The following DCLRE1C variants were observed in gnomAD, a reference collection of about 807,000 sequenced individuals.
The protein encoded by DCLRE1C is protein artemis.
Under a neutral mutation model 61.4 loss-of-function variants are expected in DCLRE1C, and 47 were observed. The ratio of observed to expected loss-of-function variants is 0.77; its 90% CI spans 0.61 to 0.98. The LOEUF is 0.98. Ranked by LOEUF, DCLRE1C falls within the 50% of genes least tolerant of loss-of-function variation. DCLRE1C has a pLI of 0.00. For missense variants in DCLRE1C, 858 were observed against 816.0 expected (o/e 1.05, Z -0.63); for synonymous variants, 337 against 287.6 (o/e 1.17, Z -1.74).
chr10:14,946,796 T>G (rs12257040), intron 2 of DCLRE1C, among the ~76,000 whole-genome samples: 4,270 of 152,152 alleles, frequency 0.028, 222 homozygotes, highest in African/African-American at 0.096. Context: ...TTTCCTATTT[T>G]CTGCAGAGAT....
chr10:14,943,656 G>A (rs1411909947), intron 3 of DCLRE1C, among the ~76,000 whole-genome samples: 3 of 152,096 alleles, frequency 2.0e-5, no homozygotes, highest in Non-Finnish European at 4.4e-5. Context: ...AGGTTCAAGC[G>A]ATTCTCCTGC....
intron 2 of DCLRE1C, among the ~76,000 whole-genome samples, chr10:14,946,530 G>C (rs1841717894): frequency 1.3e-5 from 2 of 152,020 alleles, no homozygotes. Flanking sequence ...GAATGCGGTG[G>C]AAGTAATTGC....
At position 14,908,716 on chromosome 10, in the gene DCLRE1C, T is replaced by C. The variant is rs751968783; in HGVS notation, c.1771A>G (p.Met591Val). 15 of 1,614,248 alleles carry C rather than the reference T, an allele frequency of 9.3e-6. No individual in the cohort carries two copies. The highest frequency in any genetic ancestry group is 1.2e-5 in the Non-Finnish European group (14 of 1,180,046). Residue 591 changes from methionine to valine, a missense_variant, in exon 14 of 14, where the codon ATG (methionine) becomes GTG (valine). Met to Val is a conservative substitution (Grantham distance 21). This residue lies in a region of DCLRE1C where 843 missense variants were observed against 783.5 expected (regional missense o/e 1.08). Coordinates refer to ENST00000378278, the MANE Select transcript of DCLRE1C (RefSeq NM_001033855.3). ...TTTGGGCAAATTACATTTTGTTCCATGAGAGAGGCAGGAATATTCTCTTTG... is the reference window on the plus strand; with the variant it reads ...TTTGGGCAAATTACATTTTGTTCCACGAGAGAGGCAGGAATATTCTCTTTG... ...TIKENIPASL[M>V]EQNVICPKDT...
chr10:14,899,616 C>T, downstream of DCLRE1C: 1 of 1,614,140 alleles, frequency 6.2e-7, no homozygotes. Context: ...TTGATCTGGA[C>T]TATGAGTCTG....
At chr10:14,926,786 T>C in intron 11 of DCLRE1C, 57 bp downstream of exon 11, 1 of 1,402,200 alleles carries the variant, frequency 7.1e-7, no homozygotes, top group Non-Finnish European at 1.0e-6. Flanking sequence ...ACCTGTCAAC[T>C]ACCAAGGCTG....
chr10:14,943,395 G>C (rs1040653890), intron 3 of DCLRE1C, among the ~76,000 whole-genome samples: 11 of 152,064 alleles, frequency 7.2e-5, no homozygotes, highest in African/African-American at 2.4e-4. Flanking sequence ...TTGCCTTCTA[G>C]TCTACTTTCT....
intron 11 of DCLRE1C, among the ~76,000 whole-genome samples, chr10:14,924,894 A>G (rs1837707384): frequency 1.3e-5 from 2 of 151,932 alleles, no homozygotes; most frequent in African/African-American, 4.8e-5. Context: ...AAAATCATCC[A>G]TTACTAAGTT....
intron 9 of DCLRE1C, among the ~76,000 whole-genome samples, chr10:14,929,785 C>A (rs1838668241): frequency 1.3e-5 from 2 of 152,154 alleles, no homozygotes; most frequent in South Asian, 2.1e-4. Context: ...ACCTTCCAAA[C>A]CATTAACGTT....
chr10:14,917,745 A>G (rs1836441739), intron 13 of DCLRE1C, among the ~76,000 whole-genome samples: 2 of 152,126 alleles, frequency 1.3e-5, no homozygotes, highest in African/African-American at 4.8e-5. Context: ...TGAGCTTGGG[A>G]GGTTGAGGTT....
chr10:14,937,070 C>G (rs543134179), intron 4 of DCLRE1C, among the ~76,000 whole-genome samples: 1 of 152,084 alleles, frequency 6.6e-6, no homozygotes, highest in Non-Finnish European at 1.5e-5. Flanking sequence ...TTGTATGATT[C>G]CACTCATATG....
chr10:14,936,329 T>C (rs998816639), intron 5 of DCLRE1C, among the ~76,000 whole-genome samples: 4 of 148,712 alleles, frequency 2.7e-5, no homozygotes, highest in East Asian at 2.0e-4. Flanking sequence ...TTTCTTTCTT[T>C]TTTTTTTTTT....
rs568200300 is a variant in DCLRE1C, at chr10:14,911,786, G to A, written c.1157-2456C>T. 2.0e-5 allele frequency among the ~76,000 whole-genome samples: 3 copies of A among 152,262 alleles called. No individual in the cohort carries two copies. The South Asian group carries it at 6.2e-4, about 32-fold the overall frequency. On this transcript the variant is annotated intron_variant, in intron 13 of 13. Transcript: ENST00000378278. ...TAATCCAGTTGAAATGGGGGCAAAA[G>A]ATCAGAATAGACATTTCACTGAAGA...
At chr10:14,929,412 A>AT (rs1383263544) in intron 9 of DCLRE1C, among the ~76,000 whole-genome samples, 32 of 143,534 alleles carry the variant, frequency 2.2e-4, no homozygotes, top group East Asian at 1.2e-3. Context: ...TCAAAAAACC[A>AT]TTTTTTTTTA....
rs1289549259 is a variant in DCLRE1C, at chr10:14,907,746, A to T, written c.*662T>A. ...AATTGACTTTCTTTATAGACAGCAG[A>T]TCACTGGGTTATGTTGGTTTTTTCC... On this transcript the variant is annotated 3_prime_UTR_variant, in exon 14 of 14. Coordinates refer to ENST00000378278, the MANE Select transcript of DCLRE1C (RefSeq NM_001033855.3). The T allele has an allele frequency of 6.6e-6, 1 of 151,580 alleles. No individual in the cohort carries two copies. Among genetic ancestry groups the T allele is most frequent in the Non-Finnish European group, 1.5e-5 (1 of 68,030 alleles). 9.4% of individuals were successfully genotyped at this position (151,580 alleles called of 1,614,324 possible).
At position 14,935,446 on chromosome 10, in the gene DCLRE1C, T is replaced by C. The variant is rs1265331191; in HGVS notation, c.464+17A>G. 1.9e-6 allele frequency: 3 copies of C among 1,610,574 alleles called. No homozygotes were observed. In the African/African-American group the frequency reaches 4.0e-5, roughly 22 times the overall value. Reference sequence around the variant, plus strand: ...AAATAAAATAAAATAAAATAAAACCTATACGAGGCCCAGTACCTGCCCCCG... The same window carrying C: ...AAATAAAATAAAATAAAATAAAACCCATACGAGGCCCAGTACCTGCCCCCG... On this transcript the variant is annotated intron_variant, in intron 6 of 13. Coordinates refer to ENST00000378278, the MANE Select transcript of DCLRE1C (RefSeq NM_001033855.3).
In DCLRE1C at chr10:14,905,257, T is replaced by C. The variant is rs1157361833; in HGVS notation, c.*3151A>G. Among the ~76,000 whole-genome samples the C allele has an allele frequency of 6.6e-6, 1 of 152,272 alleles. No individual in the cohort carries two copies. Among genetic ancestry groups the C allele is most frequent in the Non-Finnish European group, 1.5e-5 (1 of 68,050 alleles). On this transcript the variant is annotated 3_prime_UTR_variant, in exon 14 of 14. Transcript: ENST00000378278. ...TGGCCAAAAGGCCAAGGAGTGATGG[T>C]TCATGCATTTGAATATTAAAGGACA...
At chr10:14,954,127 G>A (rs1564497650), upstream of DCLRE1C, 4 of 1,547,094 alleles carry the variant, frequency 2.6e-6, no homozygotes, top group Non-Finnish European at 3.5e-6. Flanking sequence ...GCGGCCGAAC[G>A]CAGCCACGTC....
Position 14,953,905 on chromosome 10 carries a change from T to C in DCLRE1C, c.106A>G (p.Lys36Glu), listed in dbSNP as rs761990097. 44 of 1,613,858 alleles carry C rather than the reference T, an allele frequency of 2.7e-5. No individual in the cohort carries two copies. The highest frequency in any genetic ancestry group is 3.5e-5 in the Non-Finnish European group (41 of 1,179,924). Reference sequence around the variant, plus strand: ...GCGACGCGCAGCCCTCACTCACCTTTGTGGCAGTGGGACAGGAAGTAGGCG... The same window carrying C: ...GCGACGCGCAGCCCTCACTCACCTTCGTGGCAGTGGGACAGGAAGTAGGCG... The part of the protein sequence containing the change: ...ARAYFLSHCH[K>E]DHMKGLRAPT... The change falls in exon 1 of 14, where the codon AAA becomes GAA. Residue 36 changes from lysine to glutamate, a missense_variant. Physicochemically the swap from Lys to Glu is moderately conservative, Grantham distance 56 (BLOSUM62 1). Coordinates refer to ENST00000378278, the MANE Select transcript of DCLRE1C (RefSeq NM_001033855.3).
rs750020058 is a variant in DCLRE1C, at chr10:14,908,165, CTTTTTT to C, written c.*237_*242del. On this transcript the variant is annotated 3_prime_UTR_variant, in exon 14 of 14. Coordinates refer to ENST00000378278, the MANE Select transcript of DCLRE1C (RefSeq NM_001033855.3). Reference sequence around the variant, plus strand: ...CAGAGTAGCCCACCACCATGCCTGGCTTTTTTTTTTTTTTTTTTTTTTGTAAGTAGA... The same window carrying C: ...CAGAGTAGCCCACCACCATGCCTGGCTTTTTTTTTTTTTTTTGTAAGTAGA... 89 of 197,682 alleles carry C rather than the reference CTTTTTT, an allele frequency of 4.5e-4. No individual in the cohort carries two copies. Among genetic ancestry groups the C allele is most frequent in the South Asian group, 2.1e-3 (36 of 17,216 alleles). 12.2% of individuals were successfully genotyped at this position (197,682 alleles called of 1,614,324 possible).
Sources: allele counts gnomAD v4.1 joint callset (sites outside exome capture counted in the v4.1 genomes callset), GRCh38; gene constraint gnomAD v4.1.1; regional missense constraint gnomAD v4.1.1; transcripts MANE v1.5; gene names NCBI Gene and HGNC (gene_info 2026-07-23, HGNC 2026-07-21).